Variants in POLR2F observed in about 807,000 individuals in gnomAD.
POLR2F encodes DNA-directed RNA polymerases I, II, and III subunit RPABC2.
POLR2F carries 12 observed loss-of-function variants against 22.7 expected under a neutral mutation model. The ratio of observed to expected loss-of-function variants is 0.53; its 90% CI spans 0.34 to 0.86. POLR2F has a LOEUF of 0.86. Ranked by LOEUF, POLR2F falls within the 40% of genes least tolerant of loss-of-function variation. The pLI is 0.02. For synonymous variants in POLR2F, 57 were observed against 66.0 expected, an observed-to-expected ratio of 0.86 and a Z score of 0.66; for missense variants, 126 against 171.5, an observed-to-expected ratio of 0.73 and a Z score of 1.48.
Position 37,986,280 on chromosome 22 carries a change from C to CGCTGCCTGCCT in POLR2F, c.91_101dup (p.Pro35LeufsTer66), listed in dbSNP as rs1268739824. ...CCTCCAACACCCGCTGCTGCCCGCCCGCTGCCTGCCTGCCTGGCATCTCTC... is the reference window on the plus strand; with the variant it reads ...CCTCCAACACCCGCTGCTGCCCGCCCGCTGCCTGCCTGCTGCCTGCCTGCCTGGCATCTCTC... On this transcript the variant is annotated frameshift_variant, in exon 1 of 3. Coordinates refer to the POLR2F transcript ENST00000333418. LOFTEE classifies it high-confidence loss of function. This position sits in a 1 kb window ranked among gnomAD's most constrained non-coding sequence, Gnocchi z 4.7. 1 of 1,538,686 alleles carries CGCTGCCTGCCT rather than the reference C, an allele frequency of 6.5e-7. No individual in the cohort carries two copies.
At chr22:37,956,598 G>A (rs554711294) in intron 1 of POLR2F, among the ~76,000 whole-genome samples, 175 bp from the exon 2 acceptor site, 7 of 152,110 alleles carry the variant, frequency 4.6e-5, no homozygotes, top group Admixed American at 1.3e-4. Context: ...TGTATTTTTA[G>A]TAGAGATGGG....
intron 1 of POLR2F, among the ~76,000 whole-genome samples, chr22:37,992,049 G>T (rs879693698): frequency 6.6e-6 from 1 of 152,164 alleles, no homozygotes; most frequent in Admixed American, 6.5e-5. Context: ...GTTAGAGATG[G>T]TGTCTCAAAC....
intron 1 of POLR2F, among the ~76,000 whole-genome samples, chr22:37,995,836 T>TA (rs66823363): frequency 0.08 from 11,436 of 142,536 alleles, 569 homozygotes; most frequent in African/African-American, 0.13. Flanking sequence ...TACTAAAAAT[T>TA]AAAAAAAAAA....
chr22:38,032,519 G>C (rs1052077149), intron 5 of POLR2F: 1 of 152,242 alleles, frequency 6.6e-6, no homozygotes, highest in Non-Finnish European at 1.5e-5. Flanking sequence ...GAGAGACCGG[G>C]GTCTCTGCCC....
At chr22:38,040,112 A>G (rs1339655007) in intron 5 of POLR2F, among the ~76,000 whole-genome samples, 1 of 151,830 alleles carries the variant, frequency 6.6e-6, no homozygotes, top group Admixed American at 6.6e-5. Context: ...CTGTCTCTAC[A>G]AAAAGATTAA....
chr22:37,974,839 G>A lies in POLR2F; in HGVS notation c.293+7669G>A, dbSNP rs944327496. ...CCAGCCTTTGCGCTCTGCCAGCCCCGCTTCCACACCCATGCCTACTGTCTT... is the reference window on the plus strand; with the variant it reads ...CCAGCCTTTGCGCTCTGCCAGCCCCACTTCCACACCCATGCCTACTGTCTT... On this transcript the variant is annotated intron_variant, in intron 4 of 4. Coordinates refer to the POLR2F transcript ENST00000405557. The surrounding 1 kb of genome is among the most constrained non-coding windows in gnomAD (Gnocchi z 5.4). Among the ~76,000 whole-genome samples the A allele has an allele frequency of 2.0e-5, 3 of 152,124 alleles. No homozygotes were observed. The highest frequency in any genetic ancestry group is 1.3e-4 in the Admixed American group (2 of 15,268).
chr22:37,961,070 C>G (rs950728151), intron 3 of POLR2F, among the ~76,000 whole-genome samples: 7 of 151,630 alleles, frequency 4.6e-5, no homozygotes, highest in Non-Finnish European at 8.8e-5. Flanking sequence ...AGGATGGTCT[C>G]CATCTCCTGA....
At chr22:38,034,628 C>T (rs1326531456) in intron 5 of POLR2F, among the ~76,000 whole-genome samples, 1 of 152,178 alleles carries the variant, frequency 6.6e-6, no homozygotes, top group Non-Finnish European at 1.5e-5. Context: ...CTCTCTGAGC[C>T]TCAATGTCCC....
At position 38,017,191 on chromosome 22, in the gene POLR2F, A is replaced by G. The variant is rs1172214563; in HGVS notation, c.121-8678A>G. On this transcript the variant is annotated intron_variant, in intron 1 of 2. Transcript: ENST00000333418. The surrounding 1 kb of genome is among the most constrained non-coding windows in gnomAD (Gnocchi z 4.1). ...CTAGGTCTGGGTGCCTAAAGCCTGC[A>G]AAACTGGTGTGCTGGGGAAGAAAGG... 6.6e-6 allele frequency among the ~76,000 whole-genome samples: 1 copy of G among 152,158 alleles called. No individual in the cohort carries two copies. Among genetic ancestry groups the G allele is most frequent in the Admixed American group, 6.5e-5 (1 of 15,284 alleles).
downstream of POLR2F, chr22:37,974,290 G>T: frequency 1.1e-6 from 1 of 950,564 alleles, no homozygotes; most frequent in South Asian, 1.5e-5. This position sits in a 1 kb window ranked among gnomAD's most constrained non-coding sequence, Gnocchi z 5.4. Context: ...TCACCTTCAG[G>T]CAGCGGGTGC....
At chr22:37,985,131 C>A (rs1265197574), upstream of POLR2F, 1 of 152,230 alleles carries the variant, frequency 6.6e-6, no homozygotes, top group Non-Finnish European at 1.5e-5. Context: ...CCCAGCTTGA[C>A]CCCTGGTCCC....
chr22:37,962,281 T>C (rs1440184860), intron 3 of POLR2F, among the ~76,000 whole-genome samples: 4 of 151,906 alleles, frequency 2.6e-5, no homozygotes, highest in African/African-American at 9.7e-5. Context: ...GGGCCAGATT[T>C]GTGGACTCTG....
intron 5 of POLR2F, chr22:38,040,303 A>AG (rs2085159650): frequency 6.6e-6 from 1 of 152,108 alleles, no homozygotes; most frequent in African/African-American, 2.4e-5. Context: ...AAAAAAAAAA[A>AG]AAGAAATTGA....
chr22:37,991,124 A>G (rs1601893616), intron 1 of POLR2F, among the ~76,000 whole-genome samples: 1 of 152,074 alleles, frequency 6.6e-6, no homozygotes, highest in Admixed American at 6.5e-5. Context: ...TTCCATTGTT[A>G]TTATTATTAC....
At chr22:38,030,342 G>A (rs2085052854), downstream of POLR2F, among the ~76,000 whole-genome samples, 1 of 152,132 alleles carries the variant, frequency 6.6e-6, no homozygotes, top group African/African-American at 2.4e-5. Flanking sequence ...GTGGAGGTGG[G>A]AGACACAGAG....
rs1451783231 is a variant in POLR2F at position 37,974,561 on chromosome 22, C to T, written c.293+7391C>T. ...AGAGACGGGGTTTCACCATGTTGGCCAGGGTTGTCTTGAACTCCTGACCTC... is the reference window on the plus strand; with the variant it reads ...AGAGACGGGGTTTCACCATGTTGGCTAGGGTTGTCTTGAACTCCTGACCTC... On this transcript the variant is annotated intron_variant, in intron 4 of 4. Coordinates refer to the POLR2F transcript ENST00000405557. The surrounding 1 kb of genome is among the most constrained non-coding windows in gnomAD (Gnocchi z 5.4). 6.6e-6 allele frequency among the ~76,000 whole-genome samples: 1 copy of T among 152,026 alleles called. No individual in the cohort carries two copies. Among genetic ancestry groups the T allele is most frequent in the Non-Finnish European group, 1.5e-5 (1 of 68,002 alleles).
At chr22:38,002,705 G>A (rs2084783609) in intron 1 of POLR2F, among the ~76,000 whole-genome samples, 1 of 152,124 alleles carries the variant, frequency 6.6e-6, no homozygotes, top group South Asian at 2.1e-4. Flanking sequence ...GAATAGAGGG[G>A]AAAATGGCCT....
intron 5 of POLR2F, among the ~76,000 whole-genome samples, chr22:38,035,979 CT>C (rs68189085): frequency 7.1e-4 from 101 of 142,666 alleles, no homozygotes; most frequent in Admixed American, 8.3e-4. Flanking sequence ...CCCTGCTTTT[CT>C]TTTTTTTTTT....
At chr22:37,973,791 A>G, downstream of POLR2F, 2 of 1,596,046 alleles carry the variant, frequency 1.3e-6, no homozygotes, top group Non-Finnish European at 1.7e-6. Context: ...TGGTCGGTGT[A>G]GTGTGGGGGC....
Sources: allele counts gnomAD v4.1 joint callset (sites outside exome capture counted in the v4.1 genomes callset), GRCh38; gene constraint gnomAD v4.1.1; non-coding constraint Gnocchi (gnomAD v3.1); transcripts MANE v1.5; gene names NCBI Gene and HGNC (gene_info 2026-07-23, HGNC 2026-07-21).